The following BRSK2 variants were observed in gnomAD, a reference collection of about 807,000 sequenced individuals.
BRSK2 encodes the protein serine/threonine-protein kinase BRSK2.
BRSK2 carries 19 observed loss-of-function variants against 83.3 expected under a neutral mutation model. The ratio of observed to expected loss-of-function variants is 0.23; its 90% confidence interval spans 0.16 to 0.33. The LOEUF is 0.33. BRSK2 is among the 10% of genes least tolerant of loss of function. The pLI is 1.00. For missense variants in BRSK2, 798 were observed against 1,042.3 expected, an observed-to-expected ratio of 0.77 and a Z score of 3.23; for synonymous variants, 519 against 435.4, an observed-to-expected ratio of 1.19 and a Z score of -2.39.
intron 1 of BRSK2, among the ~76,000 whole-genome samples, chr11:1,417,387 C>G (rs1050108330): frequency 2.6e-4 from 39 of 152,358 alleles, no homozygotes; most frequent in Middle Eastern, 3.4e-3. Context: ...AGCCAATCCA[C>G]TGAATTAATT....
At chr11:1,440,960 C>T (rs747945629) in intron 4 of BRSK2, 32 bp downstream of exon 4, 1 of 1,588,734 alleles carries the variant, frequency 6.3e-7, no homozygotes, top group South Asian at 1.1e-5. Context: ...CCCCCACTCC[C>T]CAGGGACCCC....
intron 19 of BRSK2, among the ~76,000 whole-genome samples, chr11:1,459,708 GC>G (rs1847166472): frequency 6.6e-6 from 1 of 152,182 alleles, no homozygotes; most frequent in African/African-American, 2.4e-5. Context: ...TGAGCACAGG[GC>G]CCCAAGAAGG....
Position 1,454,251 on chromosome 11 carries a change from T to G in BRSK2, c.1545-234T>G. 8.9e-6 allele frequency: 4 copies of G among 446,940 alleles called. No individual in the cohort carries two copies. The highest frequency in any genetic ancestry group is 4.8e-5 in the South Asian group (2 of 41,530). The allele number at this position is 446,940 out of a possible 1,614,324, so 27.7% of individuals were successfully genotyped here. A position where few individuals can be genotyped will look rare whatever the true frequency, so the allele number is the denominator to read the frequency against. Reference sequence around the variant, plus strand: ...GGGCCAGGGTCAGGGCGTTAGGGCTTGGAGAAAGGTTAGGGTTGGGGTTGG... The same window carrying G: ...GGGCCAGGGTCAGGGCGTTAGGGCTGGGAGAAAGGTTAGGGTTGGGGTTGG... On this transcript the variant is annotated intron_variant, in intron 15 of 19. Coordinates refer to ENST00000528841, the MANE Select transcript of BRSK2 (RefSeq NM_001256627.2). This position sits in a 1 kb window ranked among gnomAD's most constrained non-coding sequence, Gnocchi z 5.2.
At chr11:1,407,645 C>T (rs1181545551) in intron 1 of BRSK2, among the ~76,000 whole-genome samples, 1 of 152,346 alleles carries the variant, frequency 6.6e-6, no homozygotes, top group Middle Eastern at 3.4e-3. Context: ...TAAACTAGGA[C>T]ACTAGCTTCA....
intron 12 of BRSK2, chr11:1,447,811 A>G: frequency 6.3e-7 from 1 of 1,597,426 alleles, no homozygotes; most frequent in Non-Finnish European, 8.5e-7. Context: ...AGCAATGTTC[A>G]GTAAAAGCCT....
chr11:1,461,110 C>T lies in BRSK2; in HGVS notation c.*387C>T, dbSNP rs775144661. On this transcript the variant is annotated 3_prime_UTR_variant, in exon 20 of 20. Coordinates refer to ENST00000528841, the MANE Select transcript of BRSK2 (RefSeq NM_001256627.2). ...CCAGCCCAGCGCCCCGTCCACCCCG[C>T]GGCAGCTCCTCGCCTCAGCTCCGCA... 1.0e-5 allele frequency: 15 copies of T among 1,443,412 alleles called. No homozygotes were observed. Among genetic ancestry groups the T allele is most frequent in the South Asian group, 3.7e-5 (3 of 82,160 alleles). 89.4% of individuals were successfully genotyped at this position (1,443,412 alleles called of 1,614,324 possible).
chr11:1,421,223 G>T (rs561605763), intron 1 of BRSK2, among the ~76,000 whole-genome samples: 2 of 152,314 alleles, frequency 1.3e-5, no homozygotes, highest in South Asian at 4.1e-4. Flanking sequence ...CCAGGACGGG[G>T]TGTCAGGAGA....
At chr11:1,394,462 A>G (rs796478083) in intron 1 of BRSK2, among the ~76,000 whole-genome samples, 19 of 51,402 alleles carry the variant, frequency 3.7e-4, no homozygotes, top group Non-Finnish European at 5.5e-4. Flanking sequence ...GAGATGGGCC[A>G]TGGAGATGGG....
At chr11:1,400,924 C>T (rs1055422613) in intron 1 of BRSK2, among the ~76,000 whole-genome samples, 7 of 152,348 alleles carry the variant, frequency 4.6e-5, no homozygotes, top group South Asian at 4.1e-4. Flanking sequence ...CTGCCGGCGG[C>T]GGGGCCGTGT....
intron 1 of BRSK2, among the ~76,000 whole-genome samples, chr11:1,429,199 GTGTGTGTGCA>G (rs1849644568): frequency 6.0e-5 from 9 of 150,392 alleles, no homozygotes; most frequent in African/African-American, 2.2e-4. Context: ...GTGTGCATGG[GTGTGTGTGCA>G]CGCGGTGTGT....
intron 12 of BRSK2, 73 bp from the exon 13 acceptor site, chr11:1,449,703 G>A (rs1293971526): frequency 1.1e-5 from 15 of 1,354,214 alleles, no homozygotes; most frequent in Non-Finnish European, 1.3e-5. Flanking sequence ...TTTACCTGGG[G>A]GGAGCAGAGC....
rs550262972 is a variant in BRSK2, at chr11:1,439,155, G to A, written c.272+764G>A. Among the ~76,000 whole-genome samples the A allele has an allele frequency of 2.5e-3, 381 of 152,320 alleles. 3 individuals carry two copies. Among genetic ancestry groups the A allele is most frequent in the African/African-American group, 8.9e-3 (371 of 41,576 alleles). ...CATCTCTGAGGCATCAGGCTCTGAG[G>A]GAGCAGGGAACATACAGGGCTGGGC... On this transcript the variant is annotated intron_variant, in intron 3 of 19. Transcript: ENST00000528841.
chr11:1,451,924 G>T (rs997915438), intron 15 of BRSK2, among the ~76,000 whole-genome samples: 1 of 152,088 alleles, frequency 6.6e-6, no homozygotes, highest in African/African-American at 2.4e-5. Context: ...TGCCCTGGGG[G>T]CCGCTGTGAC....
chr11:1,409,144 C>A (rs1448585932), intron 1 of BRSK2, among the ~76,000 whole-genome samples: 1 of 152,166 alleles, frequency 6.6e-6, no homozygotes, highest in Non-Finnish European at 1.5e-5. Context: ...CCTGGCTTTC[C>A]TCAGGGCCTG....
chr11:1,444,846 T>G, intron 8 of BRSK2, 125 bp from the exon 9 acceptor site: 1 of 580,392 alleles, frequency 1.7e-6, no homozygotes, highest in Non-Finnish European at 3.0e-6. Flanking sequence ...TTCCCCCCAC[T>G]CACTTGCCCT....
intron 1 of BRSK2, chr11:1,411,697 G>A: frequency 6.5e-7 from 1 of 1,530,888 alleles, no homozygotes; most frequent in African/African-American, 1.4e-5. Flanking sequence ...ATGTGTGAGG[G>A]ATGCAGCCCC....
intron 2 of BRSK2, among the ~76,000 whole-genome samples, chr11:1,436,739 T>C (rs1457913566): frequency 2.0e-5 from 3 of 152,016 alleles, no homozygotes; most frequent in Non-Finnish European, 4.4e-5. Context: ...CAGTGGGACC[T>C]GGGCTGGCAG....
At chr11:1,448,021 C>T (rs1852391768) in intron 12 of BRSK2, among the ~76,000 whole-genome samples, 2 of 152,176 alleles carry the variant, frequency 1.3e-5, no homozygotes, top group African/African-American at 2.4e-5. Context: ...GCCCGCGGGC[C>T]AGGCAGAGGC....
At chr11:1,447,015 G>A (rs1215038026) in intron 12 of BRSK2, among the ~76,000 whole-genome samples, 1 of 152,102 alleles carries the variant, frequency 6.6e-6, no homozygotes, top group African/African-American at 2.4e-5. Context: ...CCTGGCCAGA[G>A]TACTGGTGGT....
Sources: allele counts gnomAD v4.1 joint callset (sites outside exome capture counted in the v4.1 genomes callset), GRCh38; gene constraint gnomAD v4.1.1; non-coding constraint Gnocchi (gnomAD v3.1); transcripts MANE v1.5; gene names NCBI Gene and HGNC (gene_info 2026-07-23, HGNC 2026-07-21).